Variants in AP1S3 observed in about 807,000 individuals in gnomAD.
AP1S3 encodes adaptor related protein complex 1 subunit sigma 3, also known as AP-1 complex subunit sigma-3.
Under a neutral mutation model 20.9 loss-of-function variants are expected in AP1S3, and 10 were observed. The observed-to-expected ratio is 0.48, with a 90% CI of 0.29 to 0.81. The LOEUF (loss-of-function observed/expected upper bound fraction) is 0.81, where lower values mean the gene tolerates loss of function less well. Among genes scored for constraint, AP1S3 ranks in the 30% least tolerant of loss-of-function variants. The probability of loss-of-function intolerance (pLI) is 0.08; values close to 1 mark genes in which losing one functional copy is unlikely to be tolerated. For missense variants in AP1S3, 154 were observed against 183.8 expected (o/e 0.84, Z 0.94); for synonymous variants, 41 against 61.5 (o/e 0.67, Z 1.56).
chr2:223,832,808 T>TTG (rs1491532431), intron 1 of AP1S3, among the ~76,000 whole-genome samples: 2 of 33,550 alleles, frequency 6.0e-5, no homozygotes, highest in East Asian at 7.4e-4. Flanking sequence ...TTCTTTTTTC[T>TTG]TTTTTTTTTT....
At chr2:223,762,912 T>A (rs1329663407) in intron 4 of AP1S3, among the ~76,000 whole-genome samples, 1 of 151,788 alleles carries the variant, frequency 6.6e-6, no homozygotes, top group Admixed American at 6.6e-5. Flanking sequence ...ACTACAAATA[T>A]ATGATTGGGT....
chr2:223,822,086 G>A (rs1692000396), intron 1 of AP1S3, among the ~76,000 whole-genome samples: 1 of 152,118 alleles, frequency 6.6e-6, no homozygotes, highest in Non-Finnish European at 1.5e-5. Flanking sequence ...ATTGTCTCAA[G>A]CTGCTATTAA....
chr2:223,771,948 A>T (rs1377253173), intron 3 of AP1S3, among the ~76,000 whole-genome samples: 2 of 152,082 alleles, frequency 1.3e-5, no homozygotes, highest in Non-Finnish European at 2.9e-5. Flanking sequence ...CTCTACCAAA[A>T]ATACAAAAAT....
intron 1 of AP1S3, among the ~76,000 whole-genome samples, chr2:223,826,106 T>G (rs1043397286): frequency 6.6e-6 from 1 of 152,220 alleles, no homozygotes; most frequent in Admixed American, 6.5e-5. Context: ...TAATCAACTT[T>G]GAATATATCC....
intron 1 of AP1S3, among the ~76,000 whole-genome samples, chr2:223,811,582 G>A (rs1044811163): frequency 8.3e-5 from 12 of 144,766 alleles, no homozygotes; most frequent in Non-Finnish European, 1.4e-4. Context: ...AAAAAAAAAA[G>A]AAAAAAAGAA....
At chr2:223,797,008 G>C (rs919752545) in intron 1 of AP1S3, among the ~76,000 whole-genome samples, 3 of 152,154 alleles carry the variant, frequency 2.0e-5, no homozygotes, top group Non-Finnish European at 4.4e-5. Context: ...GCAGAATTTT[G>C]AATTTTGAGT....
chr2:223,793,969 A>T (rs570888534), intron 1 of AP1S3, among the ~76,000 whole-genome samples: 6 of 152,088 alleles, frequency 3.9e-5, no homozygotes, highest in Non-Finnish European at 8.8e-5. Flanking sequence ...GAAAGGATTG[A>T]TAGTTTTTGC....
intron 1 of AP1S3, among the ~76,000 whole-genome samples, chr2:223,798,198 G>A (rs1691388913): frequency 6.6e-6 from 1 of 152,042 alleles, no homozygotes; most frequent in Non-Finnish European, 1.5e-5. Context: ...GTCATTTTTG[G>A]CCTGCTGTCA....
chr2:223,832,739 G>A (rs1692302824), intron 1 of AP1S3, among the ~76,000 whole-genome samples: 1 of 151,764 alleles, frequency 6.6e-6, no homozygotes, highest in Non-Finnish European at 1.5e-5. Flanking sequence ...TCATAGTTCG[G>A]TTTTTCCACC....
intron 3 of AP1S3, among the ~76,000 whole-genome samples, chr2:223,766,073 C>T (rs550391053): frequency 5.3e-4 from 81 of 152,284 alleles, no homozygotes; most frequent in Non-Finnish European, 9.8e-4. Context: ...AAATAAAGCT[C>T]ATTTCCCGTA....
intron 3 of AP1S3, among the ~76,000 whole-genome samples, chr2:223,770,663 T>C (rs1690602176): frequency 6.6e-6 from 1 of 152,064 alleles, no homozygotes; most frequent in African/African-American, 2.4e-5. Context: ...CCTATAGTTA[T>C]TCTTTGAGTC....
Position 223,787,830 on chromosome 2 carries a change from T to G in AP1S3, c.4-9961A>C, listed in dbSNP as rs1463306611. Among the ~76,000 whole-genome samples the G allele has an allele frequency of 2.6e-5, 4 of 152,318 alleles. No homozygotes were observed. In the East Asian group the frequency reaches 5.8e-4, roughly 22 times the overall value. ...AGGGTACAGAAATTTAGGAACTCCA[T>G]GCAGTTGGAGAACCTCTTAGCACAG... On this transcript the variant is annotated intron_variant, in intron 1 of 4. Coordinates refer to ENST00000396654, the MANE Select transcript of AP1S3 (RefSeq NM_001039569.2).
intron 1 of AP1S3, among the ~76,000 whole-genome samples, chr2:223,786,184 C>T (rs766934149): frequency 7.2e-5 from 11 of 152,184 alleles, no homozygotes; most frequent in Non-Finnish European, 1.2e-4. Context: ...AGCTACACAA[C>T]TAAGATGACA....
chr2:223,778,529 CA>C lies in AP1S3; in HGVS notation c.4-661del, dbSNP rs371930074. Among the ~76,000 whole-genome samples the C allele has an allele frequency of 9.6e-3, 1,418 of 148,400 alleles. 13 individuals carry two copies. The highest frequency in any genetic ancestry group is 0.03 in the African/African-American group (1,220 of 40,448). ...AACATTAATTTCTTCCTTTACAAGA[CA>C]AAAAAAAAGTGTTAAGAACAACAGA... is the stretch of plus-strand genomic sequence containing the variant. On this transcript the variant is annotated intron_variant, in intron 1 of 4. Transcript: ENST00000396654.
At chr2:223,763,902 T>C (rs1690418521) in intron 4 of AP1S3, among the ~76,000 whole-genome samples, 1 of 152,182 alleles carries the variant, frequency 6.6e-6, no homozygotes, top group Non-Finnish European at 1.5e-5. Flanking sequence ...AAAGTAGCTT[T>C]AATGCCAGTT....
rs531434125 is a variant in AP1S3, at chr2:223,756,988, CTTT to C, written c.*1724_*1726del. ...AGAATACTACAAGCTTTTACTTTTTCTTTTTTTTTTTTTTTTTCTTGAGACGCA... is the reference window on the plus strand; with the variant it reads ...AGAATACTACAAGCTTTTACTTTTTCTTTTTTTTTTTTTTCTTGAGACGCA... On this transcript the variant is annotated 3_prime_UTR_variant, in exon 5 of 5. Coordinates refer to ENST00000396654, the MANE Select transcript of AP1S3 (RefSeq NM_001039569.2). 1.2e-4 allele frequency: 111 copies of C among 932,986 alleles called. No individual in the cohort carries two copies. Among genetic ancestry groups the C allele is most frequent in the Middle Eastern group, 5.4e-4 (1 of 1,858 alleles). The allele number at this position is 932,986 out of a possible 1,614,324, so 57.8% of individuals were successfully genotyped here. A position where few individuals can be genotyped will look rare whatever the true frequency, so the allele number is the denominator to read the frequency against.
intron 1 of AP1S3, among the ~76,000 whole-genome samples, chr2:223,837,155 G>A (rs566460200): frequency 5.5e-4 from 84 of 151,796 alleles, no homozygotes; most frequent in African/African-American, 2.0e-3. Context: ...GACATCCCCA[G>A]CGCCCAGCAC....
intron 1 of AP1S3, among the ~76,000 whole-genome samples, chr2:223,783,783 C>T (rs1691010996): frequency 6.6e-6 from 1 of 152,206 alleles, no homozygotes; most frequent in Non-Finnish European, 1.5e-5. Flanking sequence ...TTCCAAACAC[C>T]AGCCTTTCCG....
At chr2:223,799,208 G>GAC (rs10527751) in intron 1 of AP1S3, among the ~76,000 whole-genome samples, 3,817 of 145,894 alleles carry the variant, frequency 0.026, 71 homozygotes, top group East Asian at 0.09. Flanking sequence ...TTCGGGCCTA[G>GAC]ACACACACAC....
Sources: gnomAD v4.1 joint callset for allele counts (sites outside exome capture counted in the v4.1 genomes callset) on GRCh38, gnomAD v4.1.1 for gene constraint, MANE v1.5 for transcripts, NCBI Gene and HGNC (gene_info 2026-07-23, HGNC 2026-07-21) for gene names.